The following STARD13 variants were observed in gnomAD, a reference collection of about 807,000 sequenced individuals.
STARD13 encodes the protein stAR-related lipid transfer protein 13.
STARD13 carries 62 observed loss-of-function variants against 106.4 expected under a neutral mutation model. The observed-to-expected ratio is 0.58, with a 90% confidence interval of 0.48 to 0.72. The LOEUF (loss-of-function observed/expected upper bound fraction) is 0.72, where lower values mean the gene tolerates loss of function less well. STARD13 is among the 30% of genes least tolerant of loss of function. The pLI is 0.00. For synonymous variants in STARD13, 565 were observed against 553.0 expected, an observed-to-expected ratio of 1.02 and a Z score of -0.31; for missense variants, 1,387 against 1,424.0, an observed-to-expected ratio of 0.97 and a Z score of 0.42.
At chr13:33,343,935 C>T (rs565075003), downstream of STARD13, among the ~76,000 whole-genome samples, 74 of 152,202 alleles carry the variant, frequency 4.9e-4, no homozygotes, top group Middle Eastern at 3.4e-3. Context: ...TCTCCAGGCA[C>T]GACTGATCTT....
At chr13:33,329,709 T>C (rs895333141) in intron 1 of STARD13, among the ~76,000 whole-genome samples, 4 of 150,754 alleles carry the variant, frequency 2.7e-5, no homozygotes, top group Non-Finnish European at 4.4e-5. Context: ...TCTTTCTTTT[T>C]TTTTTTTTTT....
At chr13:33,395,868 G>T in the STARD13 span, among the ~76,000 whole-genome samples, 3 of 151,898 alleles carry the variant, frequency 2.0e-5, no homozygotes, top group Admixed American at 1.3e-4. Context: ...TAAAGACGGG[G>T]GTCTCATCTG....
intron 3 of STARD13, among the ~76,000 whole-genome samples, chr13:33,154,086 C>T (rs1881646773): frequency 6.6e-6 from 1 of 152,144 alleles, no homozygotes; most frequent in African/African-American, 2.4e-5. Context: ...ATACTAATGC[C>T]AAAGAGACAA....
At chr13:33,288,316 G>C (rs1334017900), upstream of STARD13, among the ~76,000 whole-genome samples, 4 of 151,738 alleles carry the variant, frequency 2.6e-5, no homozygotes, top group Non-Finnish European at 4.4e-5. Context: ...TGTCTCCCAG[G>C]CTGGATTGCA....
At chr13:33,512,528 C>T in the STARD13 span, among the ~76,000 whole-genome samples, 1 of 151,824 alleles carries the variant, frequency 6.6e-6, no homozygotes, top group Non-Finnish European at 1.5e-5. Context: ...AGTGCAGTGG[C>T]GTGATTGCGG....
the STARD13 span, among the ~76,000 whole-genome samples, chr13:33,557,374 T>C: frequency 6.6e-6 from 1 of 152,342 alleles, no homozygotes; most frequent in Non-Finnish European, 1.5e-5. Flanking sequence ...AATACTCTTG[T>C]ATAAATCTGG....
intron 1 of STARD13, among the ~76,000 whole-genome samples, chr13:33,177,652 T>G (rs1271490305): frequency 2.0e-5 from 3 of 151,652 alleles, no homozygotes; most frequent in Non-Finnish European, 2.9e-5. Context: ...ATAAATGATT[T>G]CAATTTTCTG....
the STARD13 span, among the ~76,000 whole-genome samples, chr13:33,432,009 T>C: frequency 8.6e-5 from 13 of 151,992 alleles, 1 homozygote. Flanking sequence ...TGAATCAGAG[T>C]AAGCCAGGTA....
chr13:33,413,410 C>T, the STARD13 span, among the ~76,000 whole-genome samples: 9 of 151,696 alleles, frequency 5.9e-5, no homozygotes, highest in African/African-American at 1.2e-4. Flanking sequence ...ATAATAAAGA[C>T]GAGAGCAGAA....
chr13:33,477,302 C>T, the STARD13 span, among the ~76,000 whole-genome samples: 2 of 152,180 alleles, frequency 1.3e-5, no homozygotes, highest in African/African-American at 2.4e-5. Flanking sequence ...TCCATCCTGT[C>T]TGGCCTAAAA....
chr13:33,403,235 G>T, the STARD13 span, among the ~76,000 whole-genome samples: 3 of 152,326 alleles, frequency 2.0e-5, no homozygotes, highest in South Asian at 6.2e-4. Context: ...CCACACCCCT[G>T]CTGCACATCC....
the STARD13 span, among the ~76,000 whole-genome samples, chr13:33,410,307 A>G: frequency 6.6e-6 from 1 of 152,254 alleles, no homozygotes. Flanking sequence ...AAGTGGAAGC[A>G]GAAGCAGAAA....
At chr13:33,165,567 A>T (rs1158380932) in intron 2 of STARD13, 149 bp from the exon 3 acceptor site, 1 of 644,516 alleles carries the variant, frequency 1.6e-6, no homozygotes, top group African/African-American at 1.8e-5. Flanking sequence ...AGAGCAAAAA[A>T]TTGCTATCAC....
At chr13:33,622,919 A>C in the STARD13 span, among the ~76,000 whole-genome samples, 1 of 132,028 alleles carries the variant, frequency 7.6e-6, no homozygotes, top group Non-Finnish European at 1.5e-5. Flanking sequence ...ACTCTGTCTA[A>C]AAAAAAAAAA....
chr13:33,296,594 C>T (rs1892504682), intron 1 of STARD13, among the ~76,000 whole-genome samples: 1 of 152,088 alleles, frequency 6.6e-6, no homozygotes, highest in African/African-American at 2.4e-5. Context: ...CCCCTGGCAA[C>T]CACCATTCTA....
At chr13:33,184,054 C>T (rs904701586) in intron 1 of STARD13, among the ~76,000 whole-genome samples, 3 of 152,152 alleles carry the variant, frequency 2.0e-5, no homozygotes, top group Non-Finnish European at 2.9e-5. Flanking sequence ...CTGAACTAGT[C>T]GGGCCTGCCT....
At chr13:33,650,571 T>G in the STARD13 span, among the ~76,000 whole-genome samples, 8 of 152,240 alleles carry the variant, frequency 5.3e-5, no homozygotes, top group Non-Finnish European at 1.0e-4. Context: ...AATTGAATTC[T>G]TAATCTTTAC....
chr13:33,668,052 T>G, the STARD13 span, among the ~76,000 whole-genome samples: 1 of 152,242 alleles, frequency 6.6e-6, no homozygotes, highest in Non-Finnish European at 1.5e-5. Flanking sequence ...TACATCACTT[T>G]CCTTTTTCTG....
the STARD13 span, among the ~76,000 whole-genome samples, chr13:33,387,961 G>T: frequency 6.6e-6 from 1 of 152,200 alleles, no homozygotes; most frequent in Non-Finnish European, 1.5e-5. Context: ...ATTGCTTTCA[G>T]ATGCATCGGC....
Sources: gnomAD v4.1 joint callset for allele counts (sites outside exome capture counted in the v4.1 genomes callset) on GRCh38, gnomAD v4.1.1 for gene constraint, MANE v1.5 for transcripts, NCBI Gene and HGNC (gene_info 2026-07-23, HGNC 2026-07-21) for gene names.